The following COX7B2 variants were observed in gnomAD, a reference collection of about 807,000 sequenced individuals.
COX7B2 encodes the protein cytochrome c oxidase subunit 7B2, mitochondrial.
For missense variants in COX7B2, 109 were observed against 95.9 expected (o/e 1.14, Z -0.57); for synonymous variants, 37 against 32.1 (o/e 1.15, Z -0.51).
chr4:46,734,975 AC>A lies in COX7B2; in HGVS notation c.217del (p.Val73LeufsTer21). The A allele has an allele frequency of 1.2e-6, 2 of 1,613,990 alleles. No homozygotes were observed. The highest frequency in any genetic ancestry group is 2.7e-5 in the African/African-American group (2 of 75,030). Reference protein sequence around the residue: ...IEWNLSPVGRVTPKEWKHQ With the variant: ...IEWNLSPVGRXTPKEWKHQ ...CTGATGTTTCCACTCTTTTGGGGTA[AC>A]TCTGCCAACAGGGGATAGGTTCCAT... On this transcript the variant is annotated frameshift_variant, in exon 3 of 3. Coordinates refer to ENST00000355591, the MANE Select transcript of COX7B2 (RefSeq NM_130902.3). LOFTEE classifies it high-confidence loss of function.
At chr4:46,896,839 T>C (rs1719791705) in intron 1 of COX7B2, among the ~76,000 whole-genome samples, 1 of 152,200 alleles carries the variant, frequency 6.6e-6, no homozygotes, top group Non-Finnish European at 1.5e-5. Flanking sequence ...TTATCATCTG[T>C]AGCTGAATTT....
intron 1 of COX7B2, among the ~76,000 whole-genome samples, chr4:46,903,071 G>A (rs996656323): frequency 1.3e-5 from 2 of 151,922 alleles, no homozygotes; most frequent in Non-Finnish European, 1.5e-5. Context: ...TATAGAGATA[G>A]GCCAAATTTG....
chr4:46,793,599 G>A (rs2109593508), intron 2 of COX7B2, among the ~76,000 whole-genome samples: 1 of 152,328 alleles, frequency 6.6e-6, no homozygotes, highest in African/African-American at 2.4e-5. Flanking sequence ...CACGGATTCA[G>A]ATGTGCAGCT....
At chr4:46,753,333 G>A (rs1384833765) in intron 2 of COX7B2, among the ~76,000 whole-genome samples, 3 of 151,630 alleles carry the variant, frequency 2.0e-5, no homozygotes, top group Non-Finnish European at 4.4e-5. Flanking sequence ...TCTTGCTAGT[G>A]GTCTATCAAT....
chr4:46,860,137 G>A (rs1717248067), intron 1 of COX7B2, among the ~76,000 whole-genome samples: 1 of 152,126 alleles, frequency 6.6e-6, no homozygotes, highest in African/African-American at 2.4e-5. Context: ...TGGTGAGATG[G>A]CAAATAGAAG....
At chr4:46,871,649 A>T (rs1293837746) in intron 1 of COX7B2, among the ~76,000 whole-genome samples, 3 of 152,018 alleles carry the variant, frequency 2.0e-5, no homozygotes, top group African/African-American at 7.2e-5. Flanking sequence ...GAAAAAAAAA[A>T]AACATTGAAA....
intron 2 of COX7B2, among the ~76,000 whole-genome samples, chr4:46,754,714 G>GTATATATA (rs1715649382): frequency 3.7e-4 from 8 of 21,348 alleles, no homozygotes; most frequent in African/African-American, 1.1e-3. Context: ...GTGTGTGTGT[G>GTATATATA]TGTGTGTGTG....
chr4:46,889,041 TGTGA>T (rs1719259244), intron 1 of COX7B2, among the ~76,000 whole-genome samples: 1 of 152,212 alleles, frequency 6.6e-6, no homozygotes, highest in Non-Finnish European at 1.5e-5. Context: ...TTTTCCATGA[TGTGA>T]GTATTATGCA....
intron 1 of COX7B2, among the ~76,000 whole-genome samples, chr4:46,857,116 G>A (rs763631150): frequency 1.3e-5 from 2 of 152,194 alleles, no homozygotes; most frequent in Non-Finnish European, 2.9e-5. Context: ...CAAGCCTAGT[G>A]GTTAAGGGCA....
chr4:46,813,502 C>T (rs538393851), intron 2 of COX7B2, among the ~76,000 whole-genome samples: 2 of 152,118 alleles, frequency 1.3e-5, no homozygotes, highest in South Asian at 4.2e-4. Context: ...GGGAGCTGAA[C>T]GATGAAAACA....
chr4:46,873,440 A>G (rs1304716048), intron 1 of COX7B2, among the ~76,000 whole-genome samples: 1 of 152,132 alleles, frequency 6.6e-6, no homozygotes, highest in Admixed American at 6.5e-5. Context: ...ACTCCCACCA[A>G]CACTGTAAAA....
chr4:46,879,495 G>A (rs1293247688), intron 1 of COX7B2, among the ~76,000 whole-genome samples: 1 of 151,422 alleles, frequency 6.6e-6, no homozygotes, highest in Non-Finnish European at 1.5e-5. Flanking sequence ...TCCCACCTCA[G>A]CCTCCTAAAG....
chr4:46,841,313 G>A (rs528672776), intron 2 of COX7B2, among the ~76,000 whole-genome samples: 1 of 150,142 alleles, frequency 6.7e-6, no homozygotes, highest in African/African-American at 2.4e-5. Context: ...ACAAGTCAAA[G>A]AGCCCACTTA....
chr4:46,864,102 C>T (rs1325230929), intron 1 of COX7B2, among the ~76,000 whole-genome samples: 4 of 152,084 alleles, frequency 2.6e-5, no homozygotes, highest in Non-Finnish European at 5.9e-5. Flanking sequence ...TAATTAACTC[C>T]CCCATTCAAC....
At chr4:46,904,225 G>A (rs545659720) in intron 1 of COX7B2, among the ~76,000 whole-genome samples, 2 of 152,050 alleles carry the variant, frequency 1.3e-5, no homozygotes, top group South Asian at 4.1e-4. Context: ...CTGATAAATT[G>A]TACTATATTA....
chr4:46,752,722 T>G (rs1399510380), intron 2 of COX7B2, among the ~76,000 whole-genome samples: 1 of 152,186 alleles, frequency 6.6e-6, no homozygotes, highest in African/African-American at 2.4e-5. Context: ...GGATTACAAT[T>G]ATTGATTTGC....
At chr4:46,782,133 G>C (rs985059880) in intron 2 of COX7B2, among the ~76,000 whole-genome samples, 2 of 152,150 alleles carry the variant, frequency 1.3e-5, no homozygotes, top group African/African-American at 2.4e-5. Flanking sequence ...GAATTGAGTG[G>C]GGACTTAGAG....
intron 1 of COX7B2, among the ~76,000 whole-genome samples, chr4:46,877,718 G>A (rs923616065): frequency 5.9e-5 from 9 of 152,054 alleles, no homozygotes; most frequent in Non-Finnish European, 1.0e-4. Flanking sequence ...AATACCAAAT[G>A]TCAAAAAATA....
At chr4:46,863,711 C>A (rs1032942803) in intron 1 of COX7B2, among the ~76,000 whole-genome samples, 1 of 152,146 alleles carries the variant, frequency 6.6e-6, no homozygotes, top group Non-Finnish European at 1.5e-5. Context: ...CTCCTGTGAC[C>A]TTTTCTCCTC....
Sources: gnomAD v4.1 joint callset for allele counts (sites outside exome capture counted in the v4.1 genomes callset) on GRCh38, gnomAD v4.1.1 for gene constraint, MANE v1.5 for transcripts, NCBI Gene and HGNC (gene_info 2026-07-23, HGNC 2026-07-21) for gene names.